The following IMMP2L variants were observed in gnomAD, a reference collection of about 807,000 sequenced individuals.
IMMP2L encodes the protein mitochondrial inner membrane protease subunit 2.
IMMP2L carries 18 observed loss-of-function variants against 19.3 expected under a neutral mutation model. The ratio of observed to expected loss-of-function variants is 0.93; its 90% CI spans 0.64 to 1.38. The LOEUF (loss-of-function observed/expected upper bound fraction) is 1.38. IMMP2L is among the 40% of genes most tolerant of loss of function. The pLI is 0.00. For missense variants in IMMP2L, 233 were observed against 218.2 expected (o/e 1.07, Z -0.43); for synonymous variants, 76 against 73.0 (o/e 1.04, Z -0.21).
chr7:111,425,935 A>G (rs1836028409), intron 3 of IMMP2L, among the ~76,000 whole-genome samples: 1 of 151,192 alleles, frequency 6.6e-6, no homozygotes, highest in Non-Finnish European at 1.5e-5. Flanking sequence ...CATGTCAAAG[A>G]CCTCTAAGAA....
intron 3 of IMMP2L, among the ~76,000 whole-genome samples, chr7:111,086,191 C>T (rs1383912422): frequency 6.6e-6 from 1 of 151,072 alleles, no homozygotes; most frequent in Non-Finnish European, 1.5e-5. Flanking sequence ...ATTTGGAAGG[C>T]CGAGGTGGAA....
chr7:111,522,243 T>A (rs780405888), intron 1 of IMMP2L, among the ~76,000 whole-genome samples: 8 of 152,032 alleles, frequency 5.3e-5, no homozygotes, highest in Non-Finnish European at 7.4e-5. Flanking sequence ...TCACCCAAGC[T>A]GGAGTCTTGG....
At chr7:110,670,113 G>T (rs1241955518) in intron 5 of IMMP2L, among the ~76,000 whole-genome samples, 2 of 152,148 alleles carry the variant, frequency 1.3e-5, no homozygotes, top group Non-Finnish European at 2.9e-5. Flanking sequence ...AATGAGGCCT[G>T]AAGGCAACCG....
At chr7:111,326,932 T>C (rs1021554610) in intron 3 of IMMP2L, among the ~76,000 whole-genome samples, 2 of 151,854 alleles carry the variant, frequency 1.3e-5, no homozygotes, top group African/African-American at 4.8e-5. Flanking sequence ...TGCAGCACTA[T>C]TCACAATAGC....
chr7:111,251,512 T>C (rs1255753313), intron 3 of IMMP2L, among the ~76,000 whole-genome samples: 2 of 152,104 alleles, frequency 1.3e-5, no homozygotes, highest in Non-Finnish European at 2.9e-5. Context: ...CAAATGCCCA[T>C]CAATGACAGA....
chr7:111,305,489 C>A (rs901008485), intron 3 of IMMP2L, among the ~76,000 whole-genome samples: 2 of 151,302 alleles, frequency 1.3e-5, no homozygotes, highest in South Asian at 2.1e-4. Context: ...AATAAATTAG[C>A]ACTCTGATTT....
chr7:111,294,210 A>G (rs1198881759), intron 3 of IMMP2L, among the ~76,000 whole-genome samples: 1 of 151,928 alleles, frequency 6.6e-6, no homozygotes, highest in Non-Finnish European at 1.5e-5. Flanking sequence ...AAATCAGAAC[A>G]AGAGCCCAGG....
chr7:111,257,209 T>G (rs1202090593), intron 3 of IMMP2L, among the ~76,000 whole-genome samples: 1 of 152,154 alleles, frequency 6.6e-6, no homozygotes, highest in African/African-American at 2.4e-5. Flanking sequence ...GCTGTCATAC[T>G]AAAAGAGCCA....
chr7:110,941,012 C>G lies in IMMP2L; in HGVS notation c.305+22488G>C, dbSNP rs28627674. Reference sequence around the variant, plus strand: ...CACTGCTGACATTCATCCAGCATGACAGAAGAAATCACTACTATTGAGAGT... The same window carrying G: ...CACTGCTGACATTCATCCAGCATGAGAGAAGAAATCACTACTATTGAGAGT... On this transcript the variant is annotated intron_variant, in intron 4 of 5. Transcript: ENST00000405709. 9.7e-3 allele frequency among the ~76,000 whole-genome samples: 1,478 copies of G among 152,194 alleles called. 19 individuals are homozygous for G. The highest frequency in any genetic ancestry group is 0.033 in the African/African-American group (1,365 of 41,526).
chr7:110,687,170 C>G (rs1021071722), intron 5 of IMMP2L, among the ~76,000 whole-genome samples: 1 of 151,984 alleles, frequency 6.6e-6, no homozygotes, highest in Non-Finnish European at 1.5e-5. Flanking sequence ...CATTTTGCCC[C>G]CTATTCCTGT....
chr7:110,981,536 TAAAG>T (rs1371200035), intron 3 of IMMP2L, among the ~76,000 whole-genome samples: 1 of 149,438 alleles, frequency 6.7e-6, no homozygotes, highest in Non-Finnish European at 1.5e-5. Context: ...ACTTTTCACT[TAAAG>T]AAAAAAAAAA....
intron 5 of IMMP2L, among the ~76,000 whole-genome samples, chr7:110,747,560 T>C (rs187860973): frequency 1.7e-4 from 26 of 152,174 alleles, no homozygotes; most frequent in African/African-American, 5.8e-4. Context: ...ACGATCAAGG[T>C]GGCTTCATCC....
At chr7:111,475,572 G>T (rs898765825) in intron 3 of IMMP2L, among the ~76,000 whole-genome samples, 2 of 152,058 alleles carry the variant, frequency 1.3e-5, no homozygotes, top group African/African-American at 4.8e-5. Context: ...AGAACCAGCG[G>T]ACACTGTGTT....
chr7:111,111,154 T>A (rs1799144100), intron 3 of IMMP2L, among the ~76,000 whole-genome samples: 1 of 152,046 alleles, frequency 6.6e-6, no homozygotes, highest in South Asian at 2.1e-4. Flanking sequence ...AAGAGTGAAA[T>A]GAATGCAAAT....
chr7:110,914,066 C>G (rs141243545), intron 4 of IMMP2L, among the ~76,000 whole-genome samples: 10 of 152,292 alleles, frequency 6.6e-5, no homozygotes, highest in African/African-American at 2.4e-4. Context: ...CTCAAAAAAA[C>G]TGTTGCCATG....
intron 1 of IMMP2L, among the ~76,000 whole-genome samples, chr7:111,536,690 A>T (rs962692356): frequency 9.2e-5 from 14 of 152,088 alleles, no homozygotes; most frequent in African/African-American, 2.7e-4. Flanking sequence ...CATATAAAAA[A>T]TTTTTTTCAA....
At chr7:111,519,084 A>G (rs757143576) in intron 2 of IMMP2L, among the ~76,000 whole-genome samples, 1 of 152,162 alleles carries the variant, frequency 6.6e-6, no homozygotes, top group Non-Finnish European at 1.5e-5. Flanking sequence ...ATGTGACCCA[A>G]GCTGAATACA....
intron 3 of IMMP2L, among the ~76,000 whole-genome samples, chr7:111,200,335 A>AT (rs1261995090): frequency 6.6e-6 from 1 of 152,150 alleles, no homozygotes; most frequent in African/African-American, 2.4e-5. Flanking sequence ...ATACTGTTTA[A>AT]TTTAACTTGT....
chr7:111,551,557 G>A (rs960735835), intron 1 of IMMP2L, among the ~76,000 whole-genome samples: 3 of 151,206 alleles, frequency 2.0e-5, no homozygotes, highest in Non-Finnish European at 4.4e-5. Context: ...TTGGTCATCG[G>A]TGAGGAAGCC....
Sources: allele counts gnomAD v4.1 joint callset (sites outside exome capture counted in the v4.1 genomes callset), GRCh38; gene constraint gnomAD v4.1.1; transcripts MANE v1.5; gene names NCBI Gene and HGNC (gene_info 2026-07-23, HGNC 2026-07-21).